The following SLC7A9 variants were observed in gnomAD, a reference collection of about 807,000 sequenced individuals.
SLC7A9 encodes B(0,+)-type amino acid transporter 1.
In SLC7A9, 38 loss-of-function variants were observed where a neutral mutation model predicts 54.1. The observed-to-expected ratio is 0.70, with a 90% CI of 0.54 to 0.92. The LOEUF (loss-of-function observed/expected upper bound fraction) is 0.92, where lower values mean the gene tolerates loss of function less well. Among genes scored for constraint, SLC7A9 ranks in the 40% least tolerant of loss-of-function variants. The pLI, the probability that SLC7A9 is intolerant of heterozygous loss-of-function variation, is 0.00. For missense variants in SLC7A9, 537 were observed against 636.1 expected (o/e 0.84, Z 1.68); for synonymous variants, 264 against 258.9 (o/e 1.02, Z -0.19).
chr19:32,858,368 G>C (rs572387460), intron 9 of SLC7A9, 72 bp downstream of exon 9: 3 of 1,054,218 alleles, frequency 2.8e-6, no homozygotes, highest in Non-Finnish European at 4.4e-6. Context: ...TTTTAGCTGT[G>C]TGTCTTCCTC....
In SLC7A9 at chr19:32,858,480, T is replaced by C; in HGVS notation, c.937A>G (p.Thr313Ala). Residue 313 changes from threonine to alanine, a missense_variant, in exon 9 of 13, where the codon ACC (threonine) becomes GCC (alanine). Coordinates refer to ENST00000023064, the MANE Select transcript of SLC7A9 (RefSeq NM_014270.5). ...CAGGTCCCGTTAGCAGCACCGATGG[T>C]TGAAAATGCCACAAAAAGTGGAACG... ...WIVPLFVAFS[T>A]IGAANGTCFT... is the part of the protein sequence containing the mutation. 6.2e-7 allele frequency: 1 copy of C among 1,613,514 alleles called. No individual in the cohort carries two copies. Among genetic ancestry groups the C allele is most frequent in the Non-Finnish European group, 8.5e-7 (1 of 1,179,962 alleles).
rs185459127 is a variant in SLC7A9, at chr19:32,855,004, T to A, written c.977+3436A>T. Among the ~76,000 whole-genome samples, 14 of 152,342 alleles carry A rather than the reference T, an allele frequency of 9.2e-5. No homozygotes were observed. In the East Asian group the frequency reaches 2.7e-3, roughly 29 times the overall value. ...CATGTCAGGTGTCTGCACTCCCATGTTCATTACAACGTTATTCACCACAGC... is the reference window on the plus strand; with the variant it reads ...CATGTCAGGTGTCTGCACTCCCATGATCATTACAACGTTATTCACCACAGC... On this transcript the variant is annotated intron_variant, in intron 9 of 12. Coordinates refer to ENST00000023064, the MANE Select transcript of SLC7A9 (RefSeq NM_014270.5).
At chr19:32,864,069 A>C in intron 4 of SLC7A9, 27 bp downstream of exon 4, 1 of 1,613,362 alleles carries the variant, frequency 6.2e-7, no homozygotes, top group Non-Finnish European at 8.5e-7. Context: ...GTCTTTTCTG[A>C]CCCCTGCCCT....
intron 9 of SLC7A9, among the ~76,000 whole-genome samples, chr19:32,850,915 C>A (rs1968448845): frequency 6.6e-6 from 1 of 152,102 alleles, no homozygotes; most frequent in Non-Finnish European, 1.5e-5. Context: ...CAAAAACAAG[C>A]AATGGGGAAA....
intron 10 of SLC7A9, among the ~76,000 whole-genome samples, chr19:32,843,113 C>G (rs905989897): frequency 8.5e-5 from 13 of 152,070 alleles, no homozygotes; most frequent in African/African-American, 2.9e-4. Flanking sequence ...GTGCCCAGAA[C>G]AGTTGCACAA....
intron 11 of SLC7A9, among the ~76,000 whole-genome samples, chr19:32,839,742 T>C (rs541139940): frequency 1.2e-4 from 19 of 152,244 alleles, no homozygotes; most frequent in African/African-American, 4.1e-4. Context: ...GGTGAAAAGT[T>C]TGAGGCCAGA....
At position 32,864,309 on chromosome 19, in the gene SLC7A9, T is replaced by C. The variant is rs1353862184; in HGVS notation, c.265A>G (p.Met89Val). ...GALCFAELGT[M>V]ITKSGGEYPY... ...TACTCTCCCCCTGACTTGGTGATCA[T>C]TGTGCCAAGCTCCGCAAAGCACAGG... Residue 89 changes from methionine to valine, a missense_variant, in exon 4 of 13, where the codon ATG (methionine) becomes GTG (valine). Transcript: ENST00000023064. The C allele has an allele frequency of 6.2e-7, 1 of 1,614,000 alleles. No homozygotes were observed. Among genetic ancestry groups the C allele is most frequent in the East Asian group, 2.2e-5 (1 of 44,860 alleles).
intron 7 of SLC7A9, 89 bp from the exon 8 acceptor site, chr19:32,860,053 A>C (rs761326862): frequency 1.2e-6 from 2 of 1,609,500 alleles, no homozygotes; most frequent in East Asian, 4.5e-5. Flanking sequence ...CCCAGGGAGA[A>C]GATTCGCAGG....
chr19:32,864,590 A>C (rs1300476572), intron 3 of SLC7A9, 39 bp downstream of exon 3: 1 of 1,609,558 alleles, frequency 6.2e-7, no homozygotes, highest in South Asian at 1.1e-5. Context: ...GTGCCCCTGC[A>C]TGCTTCCGGG....
At chr19:32,848,184 C>T (rs1568520223) in intron 9 of SLC7A9, among the ~76,000 whole-genome samples, 1 of 138,362 alleles carries the variant, frequency 7.2e-6, no homozygotes, top group African/African-American at 2.7e-5. Flanking sequence ...TCACACATAA[C>T]AATATTAACT....
chr19:32,848,828 A>G (rs1234474105), intron 9 of SLC7A9, among the ~76,000 whole-genome samples: 1 of 152,216 alleles, frequency 6.6e-6, no homozygotes, highest in African/African-American at 2.4e-5. Flanking sequence ...AATTATAACA[A>G]ACTGTCTCTC....
intron 3 of SLC7A9, 136 bp downstream of exon 3, chr19:32,864,493 T>C: frequency 6.6e-7 from 1 of 1,513,000 alleles, no homozygotes; most frequent in Non-Finnish European, 9.0e-7. Context: ...GGACATTCAG[T>C]CCAGCCTGAT....
At position 32,862,418 on chromosome 19, in the gene SLC7A9, G is replaced by C. The variant is rs554341430; in HGVS notation, c.604+43C>G. On this transcript the variant is annotated intron_variant, in intron 5 of 12. Coordinates refer to ENST00000023064, the MANE Select transcript of SLC7A9 (RefSeq NM_014270.5). ...CTGCTCCTGCTCCCAGTGGAAGGGC[G>C]TTTGGTGTGTGCCCGTGCAGGGCCC... 9 of 1,611,294 alleles carry C rather than the reference G, an allele frequency of 5.6e-6. No homozygotes were observed. The South Asian group carries it at 8.8e-5, about 16-fold the overall frequency.
At chr19:32,846,654 A>C (rs1412763509) in intron 9 of SLC7A9, among the ~76,000 whole-genome samples, 1 of 152,224 alleles carries the variant, frequency 6.6e-6, no homozygotes, top group Non-Finnish European at 1.5e-5. Flanking sequence ...CCTATCTGAC[A>C]GCTTTGAAGA....
intron 11 of SLC7A9, among the ~76,000 whole-genome samples, chr19:32,836,977 G>T (rs1307918552): frequency 6.6e-6 from 1 of 151,938 alleles, no homozygotes; most frequent in African/African-American, 2.4e-5. Flanking sequence ...TTGAAGATCC[G>T]CCTGAAAAAT....
chr19:32,856,685 A>G (rs1387480356), intron 9 of SLC7A9, among the ~76,000 whole-genome samples: 1 of 152,154 alleles, frequency 6.6e-6, no homozygotes, highest in South Asian at 2.1e-4. Context: ...GGCCCACTGC[A>G]GCCTGGAACT....
intron 9 of SLC7A9, among the ~76,000 whole-genome samples, chr19:32,847,808 G>C (rs1263140723): frequency 6.6e-6 from 1 of 152,178 alleles, no homozygotes; most frequent in Non-Finnish European, 1.5e-5. Context: ...TACCCACAAA[G>C]GGAAGCCGGT....
intron 8 of SLC7A9, among the ~76,000 whole-genome samples, chr19:32,859,474 C>T (rs1318487641): frequency 1.3e-5 from 2 of 152,114 alleles, no homozygotes; most frequent in South Asian, 2.1e-4. Context: ...GGCCCCCAGC[C>T]ACCTCTTCAC....
At position 32,833,210 on chromosome 19, in the gene SLC7A9, G is replaced by A. The variant is rs199552160; in HGVS notation, c.1338C>T (p.Ser446=). ...CAAACAGGAAGTAAAATAAAAGGCCGCTTAATATAAACAGCACACAGTAGA... is the reference window on the plus strand; with the variant it reads ...CAAACAGGAAGTAAAATAAAAGGCCACTTAATATAAACAGCACACAGTAGA... ...EYLYCVLFIL[S]GLLFYFLFVH... Residue 446 remains serine (S), a synonymous_variant, in exon 12 of 13, where the codon AGC becomes AGT. Transcript: ENST00000023064. 100 of 1,614,160 alleles carry A rather than the reference G, an allele frequency of 6.2e-5. 1 individual carries two copies. In the East Asian group the frequency reaches 9.1e-4, roughly 15 times the overall value.
Sources: allele counts gnomAD v4.1 joint callset (sites outside exome capture counted in the v4.1 genomes callset), GRCh38; gene constraint gnomAD v4.1.1; transcripts MANE v1.5; gene names NCBI Gene and HGNC (gene_info 2026-07-23, HGNC 2026-07-21).